SPRED2: variants seen among roughly 807,000 people sequenced by gnomAD.
SPRED2 encodes sprouty-related, EVH1 domain-containing protein 2.
In SPRED2, 47 loss-of-function variants were observed where a neutral mutation model predicts 43.0. That is an observed-to-expected ratio of 1.09 (90% confidence interval 0.87 to 1.40). The LOEUF (loss-of-function observed/expected upper bound fraction) is 1.40. Among genes scored for constraint, SPRED2 ranks in the 40% most tolerant of loss-of-function variants. The probability of loss-of-function intolerance (pLI) is 0.00; values close to 1 mark genes in which losing one functional copy is unlikely to be tolerated. For missense variants in SPRED2, 561 were observed against 586.4 expected (o/e 0.96, Z 0.45); for synonymous variants, 225 against 225.7 (o/e 1.00, Z 0.03).
chr2:65,403,344 G>A (rs949762495), intron 1 of SPRED2, among the ~76,000 whole-genome samples: 2 of 152,208 alleles, frequency 1.3e-5, no homozygotes, highest in African/African-American at 4.8e-5. Context: ...ATGCATCAAA[G>A]CTCACTGCAG....
intron 1 of SPRED2, among the ~76,000 whole-genome samples, chr2:65,402,714 G>A (rs1675934740): frequency 6.6e-6 from 1 of 152,178 alleles, no homozygotes; most frequent in African/African-American, 2.4e-5. Context: ...CAAACTAGAA[G>A]TTAAACTCAC....
At chr2:65,330,643 C>T (rs770662575) in intron 4 of SPRED2, among the ~76,000 whole-genome samples, 10 of 152,112 alleles carry the variant, frequency 6.6e-5, no homozygotes, top group African/African-American at 1.9e-4. Context: ...CCAAAGGCTA[C>T]GGTTTACATT....
intron 1 of SPRED2, among the ~76,000 whole-genome samples, chr2:65,400,383 A>C (rs979940781): frequency 2.0e-5 from 3 of 152,226 alleles, no homozygotes; most frequent in Non-Finnish European, 4.4e-5. Context: ...TTTCATCCAC[A>C]AATAGGGCCA....
At chr2:65,355,587 G>A (rs1451202391) in intron 1 of SPRED2, among the ~76,000 whole-genome samples, 1 of 152,062 alleles carries the variant, frequency 6.6e-6, no homozygotes, top group Admixed American at 6.5e-5. Context: ...GCATGGTGGT[G>A]GACACCTGTA....
At position 65,344,897 on chromosome 2, in the gene SPRED2, C is replaced by G; in HGVS notation, c.27-1G>C. ...CTTGACACGCACAATATAGCTGTCACTAAAACGACAAGAAGAAGAAGCACA... is the reference window on the plus strand; with the variant it reads ...CTTGACACGCACAATATAGCTGTCAGTAAAACGACAAGAAGAAGAAGCACA... On this transcript the variant is annotated splice_acceptor_variant, in intron 1 of 5. Coordinates refer to ENST00000356388, the MANE Select transcript of SPRED2 (RefSeq NM_181784.3). LOFTEE classifies it high-confidence loss of function. 1 of 1,611,608 alleles carries G rather than the reference C, an allele frequency of 6.2e-7. No homozygotes were observed. The highest frequency in any genetic ancestry group is 8.5e-7 in the Non-Finnish European group (1 of 1,178,134).
chr2:65,312,438 A>G lies in SPRED2; in HGVS notation c.*1063T>C, dbSNP rs1453559217. On this transcript the variant is annotated 3_prime_UTR_variant, in exon 6 of 6. Coordinates refer to ENST00000356388, the MANE Select transcript of SPRED2 (RefSeq NM_181784.3). ...AAAAATCCCCTCTCCCCATTAATAT[A>G]AAATAGCCAGGGGTTGGGGGGAAGA... 1 of 985,320 alleles carries G rather than the reference A, an allele frequency of 1.0e-6. No homozygotes were observed. Among genetic ancestry groups the G allele is most frequent in the Non-Finnish European group, 1.2e-6 (1 of 829,942 alleles). 61.0% of individuals were successfully genotyped at this position (985,320 alleles called of 1,614,324 possible).
intron 1 of SPRED2, among the ~76,000 whole-genome samples, chr2:65,372,566 G>T (rs1254659203): frequency 2.0e-5 from 3 of 152,098 alleles, no homozygotes; most frequent in African/African-American, 7.2e-5. Context: ...CCAGGACAAG[G>T]CCTGGCTTCA....
At chr2:65,341,128 T>TGTGTGCGC (rs1491127199) in intron 2 of SPRED2, among the ~76,000 whole-genome samples, 44 of 143,282 alleles carry the variant, frequency 3.1e-4, no homozygotes, top group African/African-American at 8.0e-4. Flanking sequence ...TGTGTGTGTG[T>TGTGTGCGC]GCATGTGCAT....
chr2:65,401,937 G>GCGCGCACGCACACACA lies in SPRED2; in HGVS notation c.26+30024_26+30025insTGTGTGTGCGTGCGCG, dbSNP rs776512353. Among the ~76,000 whole-genome samples, 1,103 of 114,750 alleles carry GCGCGCACGCACACACA rather than the reference G, an allele frequency of 9.6e-3. 20 individuals are homozygous for GCGCGCACGCACACACA. Among genetic ancestry groups the GCGCGCACGCACACACA allele is most frequent in the African/African-American group, 0.036 (1,057 of 29,624 alleles). The allele number at this position is 114,750 out of a possible 152,430, so 75.3% of individuals were successfully genotyped here. A position where few individuals can be genotyped will look rare whatever the true frequency, so the allele number is the denominator to read the frequency against. On this transcript the variant is annotated intron_variant, in intron 1 of 5. Transcript: ENST00000356388. ...ACGATCAGAATATTAGCGCGCGCGC[G>GCGCGCACGCACACACA]CACACACACACACACACACACACAC...
intron 1 of SPRED2, among the ~76,000 whole-genome samples, chr2:65,425,296 G>A (rs1676531077): frequency 6.6e-6 from 1 of 152,198 alleles, no homozygotes; most frequent in Non-Finnish European, 1.5e-5. Context: ...CCCAATATTT[G>A]TTCTAATCTC....
chr2:65,391,873 G>A (rs774591213), intron 1 of SPRED2, among the ~76,000 whole-genome samples: 5 of 152,098 alleles, frequency 3.3e-5, no homozygotes, highest in Non-Finnish European at 7.4e-5. Flanking sequence ...CAGTTGAAAA[G>A]CTGCTATTAT....
intron 2 of SPRED2, among the ~76,000 whole-genome samples, chr2:65,339,195 C>T (rs1674102577): frequency 6.7e-6 from 1 of 149,750 alleles, no homozygotes; most frequent in African/African-American, 2.5e-5. Flanking sequence ...GGGAGCCCCT[C>T]TGCCCAGCCA....
intron 1 of SPRED2, among the ~76,000 whole-genome samples, chr2:65,363,797 T>C (rs767012228): frequency 3.9e-5 from 6 of 152,210 alleles, no homozygotes; most frequent in Non-Finnish European, 5.9e-5. Flanking sequence ...CTATACTAAT[T>C]TTACATAAAC....
In SPRED2 at chr2:65,419,314, CAT is replaced by C. The variant is rs1421182142; in HGVS notation, c.26+12646_26+12647del. ...TTAATCAGACGACCCAAACTTTATACATAGTCTGTAGGTTAGACTCACTTGTA... is the reference window on the plus strand; with the variant it reads ...TTAATCAGACGACCCAAACTTTATACAGTCTGTAGGTTAGACTCACTTGTA... On this transcript the variant is annotated intron_variant, in intron 1 of 5. Transcript: ENST00000356388. Among the ~76,000 whole-genome samples the C allele has an allele frequency of 1.2e-4, 18 of 152,272 alleles. No individual in the cohort carries two copies. In the East Asian group the frequency reaches 2.1e-3, roughly 18 times the overall value.
chr2:65,389,061 C>G (rs2103677555), intron 1 of SPRED2, among the ~76,000 whole-genome samples: 1 of 152,280 alleles, frequency 6.6e-6, no homozygotes, highest in East Asian at 1.9e-4. Context: ...TGTCCCTATG[C>G]TCTGGCCTCT....
At chr2:65,341,086 A>G (rs1278388073) in intron 2 of SPRED2, among the ~76,000 whole-genome samples, 1 of 140,286 alleles carries the variant, frequency 7.1e-6, no homozygotes, top group East Asian at 2.2e-4. Flanking sequence ...AGAGAGAGGA[A>G]GGGAGACTGG....
intron 4 of SPRED2, among the ~76,000 whole-genome samples, chr2:65,325,566 T>C (rs774624207): frequency 6.6e-6 from 1 of 152,160 alleles, no homozygotes; most frequent in African/African-American, 2.4e-5. Flanking sequence ...AACAATTTCA[T>C]GTGCAATGCC....
At chr2:65,320,182 G>A (rs945366860) in intron 4 of SPRED2, among the ~76,000 whole-genome samples, 3 of 152,132 alleles carry the variant, frequency 2.0e-5, no homozygotes, top group African/African-American at 4.8e-5. Flanking sequence ...CAACAGCCAC[G>A]TTACAGTCAT....
downstream of SPRED2, among the ~76,000 whole-genome samples, chr2:65,309,446 C>T (rs760106948): frequency 1.6e-4 from 22 of 136,298 alleles, no homozygotes; most frequent in Non-Finnish European, 2.4e-4. Context: ...GTCAAGGCTA[C>T]GGTGAGCCAT....
Sources: gnomAD v4.1 joint callset for allele counts (sites outside exome capture counted in the v4.1 genomes callset) on GRCh38, gnomAD v4.1.1 for gene constraint, MANE v1.5 for transcripts, NCBI Gene and HGNC (gene_info 2026-07-23, HGNC 2026-07-21) for gene names.